EML5: variants seen among roughly 807,000 people sequenced by gnomAD.
EML5 encodes the protein EMAP like 5.
EML5 carries 120 observed loss-of-function variants against 250.0 expected under a neutral mutation model. That is an observed-to-expected ratio of 0.48 (90% CI 0.41 to 0.56). The LOEUF (loss-of-function observed/expected upper bound fraction) is 0.56. Ranked by LOEUF, EML5 falls within the 20% of genes least tolerant of loss-of-function variation. The pLI is 0.00. For synonymous variants in EML5, 771 were observed against 806.5 expected, an observed-to-expected ratio of 0.96 and a Z score of 0.75; for missense variants, 2,006 against 2,437.6, an observed-to-expected ratio of 0.82 and a Z score of 3.73.
At position 88,715,660 on chromosome 14, in the gene EML5, C is replaced by CT. The variant is rs1020317324; in HGVS notation, c.1188-466dup. Among the ~76,000 whole-genome samples, 1,265 of 141,618 alleles carry CT rather than the reference C, an allele frequency of 8.9e-3. 9 individuals are homozygous for CT. The highest frequency in any genetic ancestry group is 0.023 in the African/African-American group (913 of 38,942). The allele number at this position is 141,618 out of a possible 152,430, so 92.9% of individuals were successfully genotyped here. A position where few individuals can be genotyped will look rare whatever the true frequency, so the allele number is the denominator to read the frequency against. On this transcript the variant is annotated intron_variant, in intron 8 of 43. Transcript: ENST00000554922. ...ATTCATCTATATTACTTCAGTAATA[C>CT]TTTTTTTTTTTTTTTGAGACAGAGT...
Position 88,702,633 on chromosome 14 carries a change from C to T in EML5, c.2052-1G>A. Reference sequence around the variant, plus strand: ...ACTTCGACAGTCATAACCTCTGTAACTAATATAGAAAACAAATCATATATA... The same window carrying T: ...ACTTCGACAGTCATAACCTCTGTAATTAATATAGAAAACAAATCATATATA... On this transcript the variant is annotated splice_acceptor_variant, in intron 13 of 43. Coordinates refer to ENST00000554922, the MANE Select transcript of EML5 (RefSeq NM_183387.3). LOFTEE classifies it high-confidence loss of function. The T allele has an allele frequency of 6.5e-7, 1 of 1,545,842 alleles. No homozygotes were observed. The highest frequency in any genetic ancestry group is 8.7e-7 in the Non-Finnish European group (1 of 1,145,760).
At chr14:88,650,071 G>T in intron 27 of EML5, 145 bp from the exon 28 acceptor site, 1 of 508,056 alleles carries the variant, frequency 2.0e-6, no homozygotes, top group Non-Finnish European at 3.3e-6. Flanking sequence ...ATGTCACATT[G>T]GTTTAAACAT....
chr14:88,681,643 C>G (rs1228853184), intron 21 of EML5, among the ~76,000 whole-genome samples: 1 of 152,066 alleles, frequency 6.6e-6, no homozygotes, highest in Non-Finnish European at 1.5e-5. Context: ...TGTTTACCTT[C>G]TATATTCTTT....
At chr14:88,707,397 GGATTAC>G (rs2093336969) in intron 10 of EML5, among the ~76,000 whole-genome samples, 3 of 151,878 alleles carry the variant, frequency 2.0e-5, no homozygotes, top group South Asian at 4.2e-4. Context: ...CAAAGTGTCA[GGATTAC>G]AGGCATGAGC....
chr14:88,625,061 T>C lies in EML5; in HGVS notation c.4807A>G (p.Arg1603Gly), dbSNP rs758592624. 6.2e-7 allele frequency: 1 copy of C among 1,613,960 alleles called. No individual in the cohort carries two copies. The highest frequency in any genetic ancestry group is 1.1e-5 in the South Asian group (1 of 91,082). The part of the protein sequence containing the change: ...VCVWKDHILC[R>G]IVARAHNGPV... The stretch of plus-strand genomic sequence containing the variant: ...CCGTTGTGAGCTCTCGCCACGATTC[T>C]ACACAATATGTGATCTTTCCACACA... Residue 1603 changes from arginine (R) to glycine (G), a missense_variant, in exon 36 of 44, where the codon AGA becomes GGA. By Grantham distance (125) the Arg-to-Gly change is moderately radical. Coordinates refer to ENST00000554922, the MANE Select transcript of EML5 (RefSeq NM_183387.3).
chr14:88,683,215 G>A (rs773519142), intron 20 of EML5, among the ~76,000 whole-genome samples: 2 of 134,076 alleles, frequency 1.5e-5, no homozygotes, highest in South Asian at 2.4e-4. Flanking sequence ...AGGCTAAACC[G>A]TAGGCCAGCT....
intron 10 of EML5, among the ~76,000 whole-genome samples, chr14:88,710,273 T>C (rs2093383187): frequency 2.0e-5 from 3 of 152,234 alleles, no homozygotes; most frequent in African/African-American, 7.2e-5. Context: ...ATGTGGTTCA[T>C]ATGATCATTC....
At chr14:88,700,584 G>A (rs1027209432) in intron 14 of EML5, among the ~76,000 whole-genome samples, 4 of 152,044 alleles carry the variant, frequency 2.6e-5, no homozygotes, top group African/African-American at 7.2e-5. Flanking sequence ...CAGTGGAAAA[G>A]CATGACTTAT....
chr14:88,668,018 C>A (rs149312972), intron 21 of EML5, among the ~76,000 whole-genome samples: 1,550 of 152,242 alleles, frequency 0.01, 26 homozygotes, highest in African/African-American at 0.036. Context: ...AGCTTTTTCG[C>A]CACAAGCTCA....
At chr14:88,676,914 A>G (rs769104612) in intron 21 of EML5, among the ~76,000 whole-genome samples, 1 of 151,978 alleles carries the variant, frequency 6.6e-6, no homozygotes. Context: ...GTTTGTTTGT[A>G]TTTTTTCTGA....
chr14:88,665,246 T>C, intron 22 of EML5, 91 bp downstream of exon 22: 8 of 1,361,558 alleles, frequency 5.9e-6, no homozygotes, highest in Non-Finnish European at 7.9e-6. Flanking sequence ...AGTTCTGAGA[T>C]AACATAACAG....
Position 88,613,534 on chromosome 14 carries a change from C to T in EML5, c.*2284G>A, listed in dbSNP as rs559908131. On this transcript the variant is annotated 3_prime_UTR_variant, in exon 44 of 44. Transcript: ENST00000554922. ...ATTGTTTTTTGCTATTTAATAGCCA[C>T]TGCCCAGACACATATTTAAGAGTTT... 1 of 152,218 alleles carries T rather than the reference C, an allele frequency of 6.6e-6. No individual in the cohort carries two copies. The highest frequency in any genetic ancestry group is 2.4e-5 in the African/African-American group (1 of 41,548). The allele number at this position is 152,218 out of a possible 1,614,324, so 9.4% of individuals were successfully genotyped here.
At chr14:88,662,337 T>TTG (rs2092136138) in intron 24 of EML5, among the ~76,000 whole-genome samples, 1 of 115,802 alleles carries the variant, frequency 8.6e-6, no homozygotes, top group Non-Finnish European at 1.8e-5. Context: ...ACAATTTTTC[T>TTG]TGTTTTTTTT....
At position 88,792,209 on chromosome 14, in the gene EML5, C is replaced by T; in HGVS notation, c.197+98G>A. On this transcript the variant is annotated intron_variant, in intron 1 of 43. Transcript: ENST00000554922. The surrounding 1 kb of genome is among the most constrained non-coding windows in gnomAD (Gnocchi z 6.9). ...GCTGCGGATTCCCCTCGGGGTGATGCTCCGTGCAGGAGCGGTCACGGCGTC... is the reference window on the plus strand; with the variant it reads ...GCTGCGGATTCCCCTCGGGGTGATGTTCCGTGCAGGAGCGGTCACGGCGTC... 2 of 1,413,410 alleles carry T rather than the reference C, an allele frequency of 1.4e-6. No individual in the cohort carries two copies. Among genetic ancestry groups the T allele is most frequent in the Non-Finnish European group, 1.9e-6 (2 of 1,052,200 alleles). 87.6% of individuals were successfully genotyped at this position (1,413,410 alleles called of 1,614,324 possible).
rs2087000398 is a variant in EML5, at chr14:88,612,905, A to C, written c.*2913T>G. The C allele has an allele frequency of 6.6e-6, 1 of 152,550 alleles. No individual in the cohort carries two copies. Among genetic ancestry groups the C allele is most frequent in the South Asian group, 2.1e-4 (1 of 4,826 alleles). 9.4% of individuals were successfully genotyped at this position (152,550 alleles called of 1,614,324 possible). A position where few individuals can be genotyped will look rare whatever the true frequency, so the allele number is the denominator to read the frequency against. On this transcript the variant is annotated 3_prime_UTR_variant, in exon 44 of 44. Coordinates refer to ENST00000554922, the MANE Select transcript of EML5 (RefSeq NM_183387.3). ...ATAGTGTTAAAAATTAAAGCTTAAA[A>C]GGTGGTTAGAAAAGTGGATTAATGC...
At chr14:88,730,935 G>GA (rs1004776028) in intron 7 of EML5, among the ~76,000 whole-genome samples, 8 of 151,878 alleles carry the variant, frequency 5.3e-5, no homozygotes, top group African/African-American at 7.3e-5. Flanking sequence ...ACTTAGTGAA[G>GA]AAAAAAATAA....
chr14:88,675,507 T>G (rs1326509546), intron 21 of EML5, among the ~76,000 whole-genome samples: 1 of 152,072 alleles, frequency 6.6e-6, no homozygotes, highest in Non-Finnish European at 1.5e-5. Context: ...CTGCACAGAG[T>G]AGAGGGGCCC....
At chr14:88,647,453 T>C (rs1414070535) in intron 28 of EML5, among the ~76,000 whole-genome samples, 2 of 151,054 alleles carry the variant, frequency 1.3e-5, no homozygotes, top group African/African-American at 4.9e-5. Context: ...TCCTAGCACT[T>C]TGAGAGGCCA....
At chr14:88,616,608 G>T in intron 42 of EML5, 118 bp downstream of exon 42, 2 of 1,060,920 alleles carry the variant, frequency 1.9e-6, no homozygotes, top group Non-Finnish European at 1.3e-6. Flanking sequence ...GATTTAGAAA[G>T]TTTGGGGAAA....
Sources: allele counts gnomAD v4.1 joint callset (sites outside exome capture counted in the v4.1 genomes callset), GRCh38; gene constraint gnomAD v4.1.1; non-coding constraint Gnocchi (gnomAD v3.1); transcripts MANE v1.5; gene names NCBI Gene and HGNC (gene_info 2026-07-23, HGNC 2026-07-21).